The following TRPM3 variants were observed in gnomAD, a reference collection of about 807,000 sequenced individuals.
TRPM3 encodes the protein long transient receptor potential channel 3.
Under a neutral mutation model 181.2 loss-of-function variants are expected in TRPM3, and 77 were observed. The observed-to-expected ratio is 0.42, with a 90% CI of 0.35 to 0.51. TRPM3 has a LOEUF of 0.51. TRPM3 is among the 20% of genes least tolerant of loss of function. The pLI, the probability that TRPM3 is intolerant of heterozygous loss-of-function variation, is 0.01. For synonymous variants in TRPM3, 745 were observed against 796.4 expected, an observed-to-expected ratio of 0.94 and a Z score of 1.09; for missense variants, 1,759 against 2,196.7, an observed-to-expected ratio of 0.80 and a Z score of 3.98.
At chr9:71,260,853 C>T (rs1588173006) in intron 1 of TRPM3, among the ~76,000 whole-genome samples, 1 of 152,298 alleles carries the variant, frequency 6.6e-6, no homozygotes, top group Middle Eastern at 3.4e-3. Flanking sequence ...TCCCCTTTTC[C>T]TATTTGAATA....
chr9:71,429,334 G>A (rs918594928), intron 1 of TRPM3, among the ~76,000 whole-genome samples: 11 of 152,108 alleles, frequency 7.2e-5, no homozygotes, highest in African/African-American at 2.7e-4. Context: ...GTAGAGCCAG[G>A]CACGCTGATT....
intron 1 of TRPM3, among the ~76,000 whole-genome samples, chr9:71,428,255 CTT>C (rs567636846): frequency 2.3e-4 from 29 of 128,294 alleles, no homozygotes; most frequent in East Asian, 4.4e-4. Flanking sequence ...CCATGCCCGG[CTT>C]TTTTTTTTTT....
chr9:70,907,944 C>G (rs2096489910), intron 1 of TRPM3, among the ~76,000 whole-genome samples: 1 of 152,170 alleles, frequency 6.6e-6, no homozygotes, highest in Non-Finnish European at 1.5e-5. Flanking sequence ...GATTCTTTAT[C>G]CAATCCACAA....
intron 22 of TRPM3, among the ~76,000 whole-genome samples, chr9:70,555,949 C>G (rs2047591248): frequency 6.6e-6 from 1 of 152,178 alleles, no homozygotes; most frequent in Non-Finnish European, 1.5e-5. Flanking sequence ...CTTGACTATT[C>G]TGAGAGAATA....
intron 1 of TRPM3, among the ~76,000 whole-genome samples, chr9:71,038,990 A>C (rs1348125195): frequency 6.6e-6 from 1 of 152,204 alleles, no homozygotes; most frequent in Non-Finnish European, 1.5e-5. Context: ...TTAATAAATC[A>C]GGAAGAAACA....
chr9:71,032,438 G>A (rs2057655238), intron 1 of TRPM3, among the ~76,000 whole-genome samples: 1 of 151,502 alleles, frequency 6.6e-6, no homozygotes, highest in Non-Finnish European at 1.5e-5. Context: ...CCACTACACT[G>A]AGCTGTATGT....
intron 1 of TRPM3, among the ~76,000 whole-genome samples, chr9:71,439,441 G>A (rs2131659871): frequency 6.6e-6 from 1 of 152,124 alleles, no homozygotes; most frequent in African/African-American, 2.4e-5. Flanking sequence ...CATCCTGGGG[G>A]GCAGGTATTT....
chr9:70,561,181 T>C (rs2048974946), intron 22 of TRPM3, among the ~76,000 whole-genome samples: 1 of 152,218 alleles, frequency 6.6e-6, no homozygotes, highest in Non-Finnish European at 1.5e-5. Context: ...GATTTTCATC[T>C]AAAAATCCAT....
chr9:71,004,662 T>C (rs1479544062), intron 1 of TRPM3, among the ~76,000 whole-genome samples: 1 of 152,166 alleles, frequency 6.6e-6, no homozygotes, highest in Non-Finnish European at 1.5e-5. Flanking sequence ...ATGAAATATA[T>C]GACAAAATTC....
intron 22 of TRPM3, among the ~76,000 whole-genome samples, chr9:70,580,217 C>T (rs1325936021): frequency 1.3e-5 from 2 of 152,116 alleles, no homozygotes; most frequent in African/African-American, 4.8e-5. Flanking sequence ...ATGATCTCCC[C>T]ACTCTTCAGT....
At chr9:70,957,289 T>A (rs2097087754) in intron 1 of TRPM3, among the ~76,000 whole-genome samples, 1 of 152,130 alleles carries the variant, frequency 6.6e-6, no homozygotes, top group African/African-American at 2.4e-5. Context: ...AAGGAAATAC[T>A]TTTTCACTAG....
intron 8 of TRPM3, among the ~76,000 whole-genome samples, chr9:70,752,923 A>G (rs2076439576): frequency 6.6e-6 from 1 of 152,104 alleles, no homozygotes; most frequent in Non-Finnish European, 1.5e-5. Context: ...CAGCCTGGCC[A>G]ACATGGTGAA....
intron 22 of TRPM3, among the ~76,000 whole-genome samples, chr9:70,579,832 G>T (rs1339816714): frequency 6.6e-6 from 1 of 152,202 alleles, no homozygotes; most frequent in Non-Finnish European, 1.5e-5. Context: ...TTGCCACCAT[G>T]TGTCTTTGTG....
intron 1 of TRPM3, among the ~76,000 whole-genome samples, chr9:71,073,589 G>A (rs2063059837): frequency 6.6e-6 from 1 of 151,970 alleles, no homozygotes; most frequent in Non-Finnish European, 1.5e-5. Flanking sequence ...ATTTTCTTGA[G>A]TAAGAAAAGC....
chr9:70,610,371 TGTTA>T (rs2061826904), intron 19 of TRPM3, among the ~76,000 whole-genome samples: 1 of 148,034 alleles, frequency 6.8e-6, no homozygotes, highest in African/African-American at 2.4e-5. Context: ...CCTCTATTAC[TGTTA>T]GTTCTCACCT....
At chr9:71,263,367 A>G (rs912064812) in intron 1 of TRPM3, among the ~76,000 whole-genome samples, 1 of 152,222 alleles carries the variant, frequency 6.6e-6, no homozygotes, top group African/African-American at 2.4e-5. Flanking sequence ...GATAGTACAA[A>G]GACTGTTTAT....
intron 1 of TRPM3, among the ~76,000 whole-genome samples, chr9:71,070,244 G>A (rs1446067572): frequency 6.6e-6 from 1 of 152,220 alleles, no homozygotes; most frequent in Non-Finnish European, 1.5e-5. Flanking sequence ...TAACCTACTG[G>A]TGAACTTTTT....
intron 1 of TRPM3, among the ~76,000 whole-genome samples, chr9:70,883,936 C>T (rs2096042249): frequency 6.6e-6 from 1 of 152,146 alleles, no homozygotes; most frequent in Non-Finnish European, 1.5e-5. Flanking sequence ...AGTACAGAGG[C>T]TGAAACGTTC....
At chr9:71,025,285 C>T (rs941944593) in intron 1 of TRPM3, among the ~76,000 whole-genome samples, 3 of 152,154 alleles carry the variant, frequency 2.0e-5, no homozygotes, top group Admixed American at 1.3e-4. Context: ...ATGTTGTCAG[C>T]TCTAAAACAT....
Sources: allele counts gnomAD v4.1 joint callset (sites outside exome capture counted in the v4.1 genomes callset), GRCh38; gene constraint gnomAD v4.1.1; transcripts MANE v1.5; gene names NCBI Gene and HGNC (gene_info 2026-07-23, HGNC 2026-07-21).